Variants in CCDC57 observed in about 807,000 individuals in gnomAD.
The protein encoded by CCDC57 is coiled-coil domain containing 57, also known as coiled-coil domain-containing protein 57.
A neutral mutation model predicts 118.9 loss-of-function variants in CCDC57; 118 were observed. The ratio of observed to expected loss-of-function variants is 0.99; its 90% CI spans 0.86 to 1.16. CCDC57 has a LOEUF of 1.16. Among genes scored for constraint, CCDC57 ranks in the 50% most tolerant of loss-of-function variants. CCDC57 has a pLI of 0.00. For synonymous variants in CCDC57, 527 were observed against 532.9 expected, an observed-to-expected ratio of 0.99 and a Z score of 0.15; for missense variants, 1,300 against 1,320.7, an observed-to-expected ratio of 0.98 and a Z score of 0.24.
At chr17:82,107,893 AAG>A (rs1435357595) in intron 19 of CCDC57, among the ~76,000 whole-genome samples, 5 of 152,110 alleles carry the variant, frequency 3.3e-5, no homozygotes, top group African/African-American at 9.7e-5. Flanking sequence ...TTTCTAAAGA[AAG>A]GGGGTGGGCT....
Position 82,140,540 on chromosome 17 carries a change from G to A in CCDC57, c.2456-6346C>T, listed in dbSNP as rs114087022. 4.6e-3 allele frequency among the ~76,000 whole-genome samples: 705 copies of A among 152,224 alleles called. 6 individuals are homozygous for A. The highest frequency in any genetic ancestry group is 0.016 in the African/African-American group (666 of 41,512). On this transcript the variant is annotated intron_variant, in intron 16 of 19. Coordinates refer to ENST00000665763, the Ensembl canonical transcript of CCDC57. ...CCGGCCAGGGATATCTTACTCTCCCGGCCTGAGTCCTCCAGAATTCAGAAA... is the reference window on the plus strand; with the variant it reads ...CCGGCCAGGGATATCTTACTCTCCCAGCCTGAGTCCTCCAGAATTCAGAAA...
At chr17:82,143,471 T>TAA (rs1286608836) in intron 16 of CCDC57, among the ~76,000 whole-genome samples, 1 of 112,938 alleles carries the variant, frequency 8.9e-6, no homozygotes, top group Non-Finnish European at 1.8e-5. Context: ...GGGGTGCTCT[T>TAA]ACACACACAC....
At chr17:82,145,838 C>T in intron 16 of CCDC57, 1 of 462,424 alleles carries the variant, frequency 2.2e-6, no homozygotes, top group Non-Finnish European at 4.5e-6. Flanking sequence ...TCAGAGGGGG[C>T]CCACCATGTC....
At chr17:82,157,139 T>A (rs1292082420) in intron 15 of CCDC57, 2 of 153,432 alleles carry the variant, frequency 1.3e-5, no homozygotes, top group Non-Finnish European at 2.9e-5. Flanking sequence ...GCCCTGCTGG[T>A]CGGCTCTGCC....
At chr17:82,162,565 C>T (rs1177104311) in intron 14 of CCDC57, among the ~76,000 whole-genome samples, 1 of 151,964 alleles carries the variant, frequency 6.6e-6, no homozygotes, top group Admixed American at 6.6e-5. Flanking sequence ...GACCAGGACC[C>T]CTCTGAGCGG....
chr17:82,201,388 AC>A, intron 3 of CCDC57, 149 bp downstream of exon 2: 1 of 989,470 alleles, frequency 1.0e-6, no homozygotes, highest in Admixed American at 2.9e-5. Flanking sequence ...GCACTCGGCC[AC>A]TCAGACAGAC....
intron 9 of CCDC57, 131 bp downstream of exon 8, chr17:82,183,643 T>C: frequency 2.2e-6 from 2 of 904,530 alleles, no homozygotes; most frequent in Non-Finnish European, 1.6e-6. Context: ...ATCTGTCTTG[T>C]TCACTGTCTT....
chr17:82,179,645 G>GC (rs2045956515), intron 9 of CCDC57, among the ~76,000 whole-genome samples: 1 of 152,042 alleles, frequency 6.6e-6, no homozygotes, highest in South Asian at 2.1e-4. Context: ...GGATGGGAGA[G>GC]CCCCCCGAGC....
intron 19 of CCDC57, chr17:82,107,302 C>G (rs1333649793): frequency 2.4e-6 from 1 of 411,600 alleles, no homozygotes; most frequent in Non-Finnish European, 5.0e-6. Context: ...CACACACCTG[C>G]AGCAGGTTGG....
At chr17:82,174,107 TC>T (rs1457593055) in intron 11 of CCDC57, among the ~76,000 whole-genome samples, 1 of 152,196 alleles carries the variant, frequency 6.6e-6, no homozygotes, top group African/African-American at 2.4e-5. Context: ...AGGCACAGCT[TC>T]CTCTCCTGTG....
At chr17:82,124,918 G>A (rs753033270) in intron 19 of CCDC57, among the ~76,000 whole-genome samples, 22 of 152,184 alleles carry the variant, frequency 1.4e-4, no homozygotes, top group Non-Finnish European at 2.4e-4. Context: ...ACTTTCCATT[G>A]AGTTGATGAA....
rs546735724 is a variant in CCDC57, at chr17:82,145,525, C to A, written c.2455+6035G>T. 1.2e-3 allele frequency among the ~76,000 whole-genome samples: 182 copies of A among 151,784 alleles called. 2 individuals are homozygous for A. The highest frequency in any genetic ancestry group is 4.0e-3 in the African/African-American group (167 of 41,414). On this transcript the variant is annotated intron_variant, in intron 16 of 19. Coordinates refer to ENST00000665763, the Ensembl canonical transcript of CCDC57. ...TCGCACCACTGCACTCCAGCCTTGG[C>A]AACAGAGATTCTGTCTCAAAAAAAA...
chr17:82,189,261 CT>C (rs1467846678), intron 7 of CCDC57, among the ~76,000 whole-genome samples: 1 of 151,954 alleles, frequency 6.6e-6, no homozygotes, highest in Non-Finnish European at 1.5e-5. Context: ...CAGTGAGACC[CT>C]GTCTCAAAAA....
intron 16 of CCDC57, among the ~76,000 whole-genome samples, chr17:82,149,239 A>G (rs2041503903): frequency 1.1e-5 from 1 of 87,356 alleles, no homozygotes; most frequent in African/African-American, 4.5e-5. Context: ...GTAGATGGGT[A>G]GATGGATGGA....
chr17:82,111,454 C>A (rs1156321536), intron 19 of CCDC57, among the ~76,000 whole-genome samples: 1 of 149,828 alleles, frequency 6.7e-6, no homozygotes, highest in African/African-American at 2.5e-5. Flanking sequence ...TCGTGGCTCA[C>A]TGCAGCTTCA....
intron 8 of CCDC57, among the ~76,000 whole-genome samples, chr17:82,187,177 C>T (rs1599294268): frequency 7.3e-6 from 1 of 136,902 alleles, no homozygotes; most frequent in South Asian, 2.4e-4. Context: ...GTGGAGGTTG[C>T]GGTGAGCTAA....
intron 19 of CCDC57, chr17:82,107,694 G>T: frequency 2.3e-6 from 1 of 436,302 alleles, no homozygotes. Context: ...TGCACTGCCC[G>T]CTCCCCTGGC....
intron 19 of CCDC57, among the ~76,000 whole-genome samples, chr17:82,122,758 C>T (rs1389382807): frequency 6.6e-6 from 1 of 152,254 alleles, no homozygotes; most frequent in East Asian, 1.9e-4. Context: ...GGCACCGAGC[C>T]CCTTCCCCTG....
chr17:82,205,215 C>T (rs1032097920), intron 2 of CCDC57, among the ~76,000 whole-genome samples: 1 of 152,212 alleles, frequency 6.6e-6, no homozygotes, highest in Non-Finnish European at 1.5e-5. Flanking sequence ...ACACAGTGCC[C>T]GTGAGTCATG....
Sources: allele counts gnomAD v4.1 joint callset (sites outside exome capture counted in the v4.1 genomes callset), GRCh38; gene constraint gnomAD v4.1.1; transcripts MANE v1.5; gene names NCBI Gene and HGNC (gene_info 2026-07-23, HGNC 2026-07-21).